The following PDE4D variants were observed in gnomAD, a reference collection of about 807,000 sequenced individuals.
PDE4D encodes phosphodiesterase 4D.
PDE4D carries 24 observed loss-of-function variants against 87.4 expected under a neutral mutation model. That is an observed-to-expected ratio of 0.27 (90% CI 0.20 to 0.39). PDE4D has a LOEUF of 0.39. Among genes scored for constraint, PDE4D ranks in the 10% least tolerant of loss-of-function variants. The pLI is 1.00. For missense variants in PDE4D, 714 were observed against 1,041.0 expected (o/e 0.69, Z 4.32); for synonymous variants, 384 against 383.2 (o/e 1.00, Z -0.02).
At chr5:60,068,634 C>T (rs1772371946) in intron 2 of PDE4D, among the ~76,000 whole-genome samples, 1 of 151,936 alleles carries the variant, frequency 6.6e-6, no homozygotes, top group Non-Finnish European at 1.5e-5. Flanking sequence ...GGATCTGTCA[C>T]TCAGGCTGGA....
chr5:59,137,424 T>C (rs1466402111), intron 5 of PDE4D, among the ~76,000 whole-genome samples: 1 of 152,094 alleles, frequency 6.6e-6, no homozygotes, highest in Non-Finnish European at 1.5e-5. Context: ...AACTTCATGG[T>C]ATAGATAGGA....
chr5:60,484,976 G>A (rs938734688), intron 1 of PDE4D, among the ~76,000 whole-genome samples: 8 of 152,078 alleles, frequency 5.3e-5, no homozygotes, highest in Admixed American at 1.3e-4. Flanking sequence ...CTTAGAAAAC[G>A]TTTCATGGCC....
At chr5:60,302,651 T>C (rs1181361814) in intron 1 of PDE4D, among the ~76,000 whole-genome samples, 1 of 152,190 alleles carries the variant, frequency 6.6e-6, no homozygotes, top group East Asian at 1.9e-4. Context: ...AGGATTTTTT[T>C]GTGTCTCTAT....
chr5:59,261,239 C>T (rs988068109), intron 1 of PDE4D, among the ~76,000 whole-genome samples: 1 of 151,760 alleles, frequency 6.6e-6, no homozygotes, highest in African/African-American at 2.4e-5. Flanking sequence ...CTTCTGATTT[C>T]CTGCATTGAA....
intron 6 of PDE4D, among the ~76,000 whole-genome samples, chr5:59,002,901 C>G (rs1750834917): frequency 6.6e-6 from 1 of 152,254 alleles, no homozygotes; most frequent in Middle Eastern, 3.4e-3. Flanking sequence ...ATGCAAAGCA[C>G]TTAAAACAAC....
chr5:59,427,745 A>G (rs904155154), intron 1 of PDE4D, among the ~76,000 whole-genome samples: 3 of 151,406 alleles, frequency 2.0e-5, no homozygotes, highest in Admixed American at 6.6e-5. Flanking sequence ...ATTTGAGCCC[A>G]GGAGTTCTAG....
chr5:59,878,540 TG>T (rs769128264), intron 1 of PDE4D, among the ~76,000 whole-genome samples: 32 of 152,216 alleles, frequency 2.1e-4, no homozygotes, highest in Non-Finnish European at 3.5e-4. Context: ...CTTGAACTCC[TG>T]GGCTCAAGCA....
rs780941133 is a variant in PDE4D, at chr5:59,215,922, G to C, written c.502C>G (p.Pro168Ala). Reference sequence around the variant, plus strand: ...AGCCCGGATCCTGGGCTGGTCATGGGATCCAAGGGACTCCGTCCCGCAGAT... The same window carrying C: ...AGCCCGGATCCTGGGCTGGTCATGGCATCCAAGGGACTCCGTCCCGCAGAT... ...GTSAGRSPLD[P>A]MTSPGSGLIL... Residue 168 changes from proline (P) to alanine (A), a missense_variant, in exon 2 of 15, where the codon CCC becomes GCC. Coordinates refer to ENST00000340635, the MANE Select transcript of PDE4D (RefSeq NM_001104631.2). The C allele has an allele frequency of 6.2e-7, 1 of 1,613,332 alleles. No individual in the cohort carries two copies.
At chr5:59,111,941 T>G (rs980705825) in intron 5 of PDE4D, among the ~76,000 whole-genome samples, 1 of 151,472 alleles carries the variant, frequency 6.6e-6, no homozygotes, top group Non-Finnish European at 1.5e-5. Context: ...CACATGGTAG[T>G]TTCCAGTCTA....
intron 3 of PDE4D, among the ~76,000 whole-genome samples, chr5:59,979,839 TG>T (rs1213823751): frequency 6.6e-6 from 1 of 152,048 alleles, no homozygotes; most frequent in African/African-American, 2.4e-5. Context: ...TTTTTTTGGT[TG>T]GGGGGAAGTG....
chr5:59,876,283 A>G (rs956824890), intron 1 of PDE4D, among the ~76,000 whole-genome samples: 1 of 152,148 alleles, frequency 6.6e-6, no homozygotes, highest in Non-Finnish European at 1.5e-5. Context: ...AATAAATGAT[A>G]GTGCTGAGGA....
At chr5:59,678,277 A>G (rs544444046) in intron 1 of PDE4D, among the ~76,000 whole-genome samples, 1 of 152,322 alleles carries the variant, frequency 6.6e-6, no homozygotes, top group South Asian at 2.1e-4. Flanking sequence ...TAATTAAGGT[A>G]TAAATAAATA....
intron 1 of PDE4D, among the ~76,000 whole-genome samples, chr5:59,530,276 TA>T (rs1046078034): frequency 6.6e-6 from 1 of 151,414 alleles, no homozygotes; most frequent in African/African-American, 2.4e-5. Context: ...TACTAAAACT[TA>T]AAAAAAAATC....
intron 1 of PDE4D, among the ~76,000 whole-genome samples, chr5:59,658,152 T>C (rs567564149): frequency 1.3e-5 from 2 of 152,324 alleles, no homozygotes; most frequent in South Asian, 2.1e-4. Flanking sequence ...GCTTACTCTA[T>C]GCCAGGTATA....
rs567705446 is a variant in PDE4D at position 60,464,875 on chromosome 5, G to T, written c.-90+23067C>A. Among the ~76,000 whole-genome samples the T allele has an allele frequency of 2.2e-4, 34 of 152,322 alleles. No individual in the cohort carries two copies. In the East Asian group the frequency reaches 5.6e-3, roughly 25 times the overall value. On this transcript the variant is annotated intron_variant, in intron 1 of 16. Coordinates refer to the PDE4D transcript ENST00000502484. Reference sequence around the variant, plus strand: ...CCAGTACTTTCGGAGGTCAAGGTGGGAGGATGGTGGGAAGCCAGGATTTCA... The same window carrying T: ...CCAGTACTTTCGGAGGTCAAGGTGGTAGGATGGTGGGAAGCCAGGATTTCA...
At chr5:59,606,064 G>GAT (rs1020960143) in intron 1 of PDE4D, among the ~76,000 whole-genome samples, 8 of 151,824 alleles carry the variant, frequency 5.3e-5, no homozygotes, top group Non-Finnish European at 7.4e-5. Context: ...GACATATATA[G>GAT]ATATATACAT....
intron 1 of PDE4D, among the ~76,000 whole-genome samples, chr5:60,388,851 A>G (rs898953365): frequency 1.3e-5 from 2 of 152,206 alleles, no homozygotes; most frequent in South Asian, 2.1e-4. Context: ...ATATCATAAC[A>G]CCACAGCGAC....
chr5:59,682,765 A>C (rs1749235525), intron 1 of PDE4D, among the ~76,000 whole-genome samples: 1 of 152,250 alleles, frequency 6.6e-6, no homozygotes, highest in African/African-American at 2.4e-5. Flanking sequence ...CAGCCTTCAG[A>C]ACCATGAGAA....
Position 59,931,168 on chromosome 5 carries a change from C to A in PDE4D, c.272+57320G>T, listed in dbSNP as rs577900182. On this transcript the variant is annotated intron_variant, in intron 3 of 16. Coordinates refer to the PDE4D transcript ENST00000502484. Reference sequence around the variant, plus strand: ...AGAGAGAACTGTACAAACTATTTATCTTTTCCATTTTGTCTATCAACATGT... The same window carrying A: ...AGAGAGAACTGTACAAACTATTTATATTTTCCATTTTGTCTATCAACATGT... Among the ~76,000 whole-genome samples the A allele has an allele frequency of 1.3e-5, 2 of 152,304 alleles. 1 individual carries two copies. Among genetic ancestry groups the A allele is most frequent in the African/African-American group, 4.8e-5 (2 of 41,568 alleles).
Sources: allele counts gnomAD v4.1 joint callset (sites outside exome capture counted in the v4.1 genomes callset), GRCh38; gene constraint gnomAD v4.1.1; transcripts MANE v1.5; gene names NCBI Gene and HGNC (gene_info 2026-07-23, HGNC 2026-07-21).